The following GNA11 variants were observed in gnomAD, a reference collection of about 807,000 sequenced individuals.
GNA11 encodes guanine nucleotide-binding protein subunit alpha-11.
A neutral mutation model predicts 38.2 loss-of-function variants in GNA11; 8 were observed. The observed-to-expected ratio is 0.21, with a 90% CI of 0.12 to 0.38. The LOEUF is 0.38. Among genes scored for constraint, GNA11 ranks in the 10% least tolerant of loss-of-function variants. The pLI is 1.00. For missense variants in GNA11, 268 were observed against 516.3 expected, an observed-to-expected ratio of 0.52 and a Z score of 4.66; for synonymous variants, 211 against 221.4, an observed-to-expected ratio of 0.95 and a Z score of 0.42.
At position 3,110,038 on chromosome 19, in the gene GNA11, C is replaced by T; in HGVS notation, c.137-111C>T. On this transcript the variant is annotated intron_variant, in intron 1 of 6. Transcript: ENST00000078429. The surrounding 1 kb of genome is among the most constrained non-coding windows in gnomAD (Gnocchi z 5.4). The stretch of plus-strand genomic sequence containing the variant: ...TGGAGAGACGGTCAGCCTCACGTGC[C>T]TTGGTTTCCTGTGCTGGGTGCTGCA... 1 of 805,510 alleles carries T rather than the reference C, an allele frequency of 1.2e-6. No homozygotes were observed. Among genetic ancestry groups the T allele is most frequent in the Non-Finnish European group, 2.0e-6 (1 of 508,682 alleles). 49.9% of individuals were successfully genotyped at this position (805,510 alleles called of 1,614,324 possible).
At chr19:3,098,330 G>C (rs988293217) in intron 1 of GNA11, among the ~76,000 whole-genome samples, 1 of 152,226 alleles carries the variant, frequency 6.6e-6, no homozygotes, top group African/African-American at 2.4e-5. Flanking sequence ...CTGTGGCCTG[G>C]AGAGCTCTTG....
At chr19:3,096,270 G>T (rs1255058998) in intron 1 of GNA11, among the ~76,000 whole-genome samples, 1 of 100,492 alleles carries the variant, frequency 1.0e-5, no homozygotes, top group African/African-American at 3.9e-5. Context: ...TCTAAAATGG[G>T]CCATCTTTCC....
At chr19:3,109,119 C>G (rs1913703721) in intron 1 of GNA11, among the ~76,000 whole-genome samples, 1 of 152,210 alleles carries the variant, frequency 6.6e-6, no homozygotes, top group African/African-American at 2.4e-5. Context: ...GAATTAGGTT[C>G]CAGTATGGAA....
chr19:3,098,878 T>C (rs1913434744), intron 1 of GNA11, among the ~76,000 whole-genome samples: 2 of 152,332 alleles, frequency 1.3e-5, no homozygotes, highest in South Asian at 4.1e-4. Flanking sequence ...CCGGGCCTGC[T>C]CTCACGTCCT....
chr19:3,095,836 A>C (rs1360244658), intron 1 of GNA11, among the ~76,000 whole-genome samples: 1 of 151,068 alleles, frequency 6.6e-6, no homozygotes, highest in Non-Finnish European at 1.5e-5. Flanking sequence ...GCTCCTCCCC[A>C]CCGTCCTGGA....
At position 3,119,065 on chromosome 19, in the gene GNA11, C is replaced by T; in HGVS notation, c.735+12C>T. Reference sequence around the variant, plus strand: ...AGTCGGACAACGAGGTGGGCCCTGCCCTGAGCAGGGGCAGCGTTGGGGGCC... The same window carrying T: ...AGTCGGACAACGAGGTGGGCCCTGCTCTGAGCAGGGGCAGCGTTGGGGGCC... On this transcript the variant is annotated intron_variant, in intron 5 of 6. Transcript: ENST00000078429. The surrounding 1 kb of genome is among the most constrained non-coding windows in gnomAD (Gnocchi z 4.6). 1 of 1,610,030 alleles carries T rather than the reference C, an allele frequency of 6.2e-7. No homozygotes were observed. Among genetic ancestry groups the T allele is most frequent in the Non-Finnish European group, 8.5e-7 (1 of 1,179,120 alleles).
rs568072726 is a variant in GNA11 at position 3,115,612 on chromosome 19, G to A, written c.605+540G>A. Reference sequence around the variant, plus strand: ...ACATTTGACAGGGCCTCCAGGACGGGCCGGGGGCCTGGTTGGAGCCAGCAT... The same window carrying A: ...ACATTTGACAGGGCCTCCAGGACGGACCGGGGGCCTGGTTGGAGCCAGCAT... On this transcript the variant is annotated intron_variant, in intron 4 of 6. Transcript: ENST00000078429. Among the ~76,000 whole-genome samples the A allele has an allele frequency of 2.2e-4, 33 of 151,806 alleles. No individual in the cohort carries two copies. In the South Asian group the frequency reaches 3.6e-3, roughly 16 times the overall value.
At position 3,094,929 on chromosome 19, in the gene GNA11, C is replaced by T; in HGVS notation, c.136+142C>T. On this transcript the variant is annotated intron_variant, in intron 1 of 6. Transcript: ENST00000078429. The surrounding 1 kb of genome is among the most constrained non-coding windows in gnomAD (Gnocchi z 6.0). ...CGAGACCCTCCGGGGTCAGCCCTGC[C>T]TGTGCCTTCCCTGCCTGTCCGGGTC... 1 of 531,098 alleles carries T rather than the reference C, an allele frequency of 1.9e-6. No individual in the cohort carries two copies. Among genetic ancestry groups the T allele is most frequent in the Non-Finnish European group, 3.1e-6 (1 of 320,616 alleles). The allele number at this position is 531,098 out of a possible 1,614,324, so 32.9% of individuals were successfully genotyped here. A position where few individuals can be genotyped will look rare whatever the true frequency, so the allele number is the denominator to read the frequency against.
At chr19:3,101,343 G>A (rs1913501739) in intron 1 of GNA11, among the ~76,000 whole-genome samples, 2 of 152,154 alleles carry the variant, frequency 1.3e-5, no homozygotes, top group Non-Finnish European at 1.5e-5. Context: ...TCCACACTGT[G>A]GGATGAGTGC....
At chr19:3,104,047 C>T (rs566074065) in intron 1 of GNA11, among the ~76,000 whole-genome samples, 1 of 152,232 alleles carries the variant, frequency 6.6e-6, no homozygotes, top group Non-Finnish European at 1.5e-5. Context: ...GTCTTGAACT[C>T]CTGACCTCAA....
chr19:3,118,766 CTGAG>C, intron 4 of GNA11, 154 bp from the exon 5 acceptor site: 1 of 677,670 alleles, frequency 1.5e-6, no homozygotes, highest in South Asian at 1.8e-5. Flanking sequence ...CGGCCGCTCT[CTGAG>C]AGCGTCCTTG....
chr19:3,095,298 C>T (rs1251461621), intron 1 of GNA11, among the ~76,000 whole-genome samples: 2 of 152,114 alleles, frequency 1.3e-5, no homozygotes, highest in Non-Finnish European at 2.9e-5. Context: ...CAGGATTTGC[C>T]CTCTGTTCCT....
intron 4 of GNA11, among the ~76,000 whole-genome samples, chr19:3,116,148 C>A (rs969307931): frequency 1.3e-5 from 2 of 152,060 alleles, no homozygotes; most frequent in Non-Finnish European, 2.9e-5. Flanking sequence ...CGGGTTCTCC[C>A]TGGGGACCCT....
At chr19:3,105,091 A>T (rs1034253473) in intron 1 of GNA11, among the ~76,000 whole-genome samples, 1 of 5,792 alleles carries the variant, frequency 1.7e-4, no homozygotes, top group Non-Finnish European at 3.2e-4. Flanking sequence ...GCAGGGAGGG[A>T]GGGTGGGAGG....
At chr19:3,101,164 T>TG (rs1018026159) in intron 1 of GNA11, among the ~76,000 whole-genome samples, 1 of 151,576 alleles carries the variant, frequency 6.6e-6, no homozygotes, top group Admixed American at 6.6e-5. Flanking sequence ...CGGAGTGGGG[T>TG]GGGGGGCTGA....
intron 3 of GNA11, among the ~76,000 whole-genome samples, chr19:3,114,499 G>T (rs975722778): frequency 8.5e-5 from 13 of 152,276 alleles, no homozygotes; most frequent in Admixed American, 2.0e-4. Flanking sequence ...ACGGGGATCT[G>T]CTGGGACCTC....
chr19:3,102,712 G>A (rs1482973046), intron 1 of GNA11, among the ~76,000 whole-genome samples: 1 of 152,182 alleles, frequency 6.6e-6, no homozygotes, highest in Non-Finnish European at 1.5e-5. Flanking sequence ...GCAGGCATGA[G>A]GCCCCTTGTG....
Position 3,113,519 on chromosome 19 carries a change from G to A in GNA11, c.476+35G>A, listed in dbSNP as rs752412785. 1.1e-5 allele frequency: 16 copies of A among 1,442,518 alleles called. No homozygotes were observed. In the African/African-American group the frequency reaches 1.5e-4, roughly 13 times the overall value. 89.4% of individuals were successfully genotyped at this position (1,442,518 alleles called of 1,614,324 possible). ...GCCGCACCGCTGGCGGCCTGGGGAC[G>A]GCAGCTGCGGGCCGGTGCCTGGGAC... On this transcript the variant is annotated intron_variant, in intron 3 of 6. Coordinates refer to ENST00000078429, the MANE Select transcript of GNA11 (RefSeq NM_002067.5).
Position 3,110,526 on chromosome 19 carries a change from T to A in GNA11, c.321+193T>A, listed in dbSNP as rs1913748620. On this transcript the variant is annotated intron_variant, in intron 2 of 6. Transcript: ENST00000078429. This position sits in a 1 kb window ranked among gnomAD's most constrained non-coding sequence, Gnocchi z 5.4. ...GACTTCCTGGGGGCCAACTGGAGAG[T>A]TGTGATGGGCATTGCGTGGCCAAGC... Among the ~76,000 whole-genome samples, 2 of 151,804 alleles carry A rather than the reference T, an allele frequency of 1.3e-5. No homozygotes were observed. The highest frequency in any genetic ancestry group is 1.3e-4 in the Admixed American group (2 of 15,270).
Sources: gnomAD v4.1 joint callset for allele counts (sites outside exome capture counted in the v4.1 genomes callset) on GRCh38, gnomAD v4.1.1 for gene constraint, Gnocchi (gnomAD v3.1) non-coding constraint, MANE v1.5 for transcripts, NCBI Gene and HGNC (gene_info 2026-07-23, HGNC 2026-07-21) for gene names.